The following ITPR3 variants were observed in gnomAD, a reference collection of about 807,000 sequenced individuals.
ITPR3 encodes the protein inositol 1,4,5-trisphosphate receptor type 3, also known as inositol 1,4,5-trisphosphate-gated calcium channel ITPR3.
ITPR3 carries 173 observed loss-of-function variants against 293.2 expected under a neutral mutation model. That is an observed-to-expected ratio of 0.59 (90% confidence interval 0.52 to 0.67). ITPR3 has a LOEUF of 0.67. Among genes scored for constraint, ITPR3 ranks in the 30% least tolerant of loss-of-function variants. The probability of loss-of-function intolerance (pLI) is 0.00; values close to 1 mark genes in which losing one functional copy is unlikely to be tolerated. For synonymous variants in ITPR3, 1,295 were observed against 1,444.4 expected (o/e 0.90, Z 2.35); for missense variants, 2,796 against 3,592.1 (o/e 0.78, Z 5.66).
chr6:33,671,175 T>C lies in ITPR3; in HGVS notation c.2597T>C (p.Leu866Pro). The stretch of plus-strand genomic sequence containing the variant: ...ACGCCCCCTTCGCAGGTGGTCAGCC[T>C]GGCGCACAATCTCATCTACTTCGGC... ...KNKLTFEVVS[L>P]AHNLIYFGFY... Residue 866 changes from leucine to proline, a missense_variant, in exon 21 of 58, where the codon CTG becomes CCG. Leu to Pro is a moderately conservative substitution (Grantham distance 98). This residue lies in a region of ITPR3 where 955 missense variants were observed against 1,180.8 expected (regional missense o/e 0.81). Coordinates refer to ENST00000605930, the MANE Select transcript of ITPR3 (RefSeq NM_002224.4). 1 of 1,613,578 alleles carries C rather than the reference T, an allele frequency of 6.2e-7. No homozygotes were observed. The highest frequency in any genetic ancestry group is 8.5e-7 in the Non-Finnish European group (1 of 1,179,886).
intron 13 of ITPR3, 128 bp from the exon 14 acceptor site, chr6:33,665,707 G>T: frequency 1.0e-6 from 1 of 992,818 alleles, no homozygotes; most frequent in East Asian, 2.6e-5. Flanking sequence ...GGCTGAGGAT[G>T]GGTTTTGTGC....
At position 33,687,581 on chromosome 6, in the gene ITPR3, A is replaced by G; in HGVS notation, c.6264+17A>G. 7.8e-7 allele frequency: 1 copy of G among 1,280,974 alleles called. No individual in the cohort carries two copies. Among genetic ancestry groups the G allele is most frequent in the Non-Finnish European group, 1.1e-6 (1 of 889,014 alleles). 79.4% of individuals were successfully genotyped at this position (1,280,974 alleles called of 1,614,324 possible). A position where few individuals can be genotyped will look rare whatever the true frequency, so the allele number is the denominator to read the frequency against. ...TCTTCCATGGTGGGTGCTGGCCCCGAGACTGGGGTGGGGGTGGGGCCTGGA... is the reference window on the plus strand; with the variant it reads ...TCTTCCATGGTGGGTGCTGGCCCCGGGACTGGGGTGGGGGTGGGGCCTGGA... On this transcript the variant is annotated intron_variant, in intron 46 of 57. Coordinates refer to ENST00000605930, the MANE Select transcript of ITPR3 (RefSeq NM_002224.4). The surrounding 1 kb of genome is among the most constrained non-coding windows in gnomAD (Gnocchi z 5.3).
intron 22 of ITPR3, 73 bp from the exon 23 acceptor site, chr6:33,673,518 A>G (rs1238912801): frequency 6.3e-7 from 1 of 1,576,234 alleles, no homozygotes; most frequent in Non-Finnish European, 8.6e-7. Context: ...TGCCCCCCAT[A>G]AAGTAGGAAG....
In ITPR3 at chr6:33,680,606, G is replaced by C. The variant is rs139191409; in HGVS notation, c.4402G>C (p.Val1468Leu). 2 of 1,614,104 alleles carry C rather than the reference G, an allele frequency of 1.2e-6. No homozygotes were observed. Among genetic ancestry groups the C allele is most frequent in the Admixed American group, 1.7e-5 (1 of 60,024 alleles). ...RVADPTLEKY[V>L]LSVVLDTINA... ...GGCTGACCCCACCTTGGAGAAGTAC[G>C]TGCTGAGCGTTGTGCTGGACACCAT... is the stretch of plus-strand genomic sequence containing the variant. The change falls in exon 33 of 58, where the codon GTG (valine) becomes CTG (leucine). Residue 1468 changes from valine (V) to leucine (L), a missense_variant. Val to Leu is a conservative substitution (Grantham distance 32, BLOSUM62 1). Around this residue, in one of 8 missense-constraint regions of ITPR3, gnomAD observed 344 missense variants for 460.3 expected, o/e 0.75. Transcript: ENST00000605930.
At position 33,635,834 on chromosome 6, in the gene ITPR3, G is replaced by A. The variant is rs1426329749; in HGVS notation, c.90-4650G>A. Among the ~76,000 whole-genome samples, 4 of 151,908 alleles carry A rather than the reference G, an allele frequency of 2.6e-5. No individual in the cohort carries two copies. In the East Asian group the frequency reaches 7.8e-4, roughly 29 times the overall value. ...AGGGGGCTCCAGGGCTGGAGCAGAG[G>A]GGTGAGGGGAAGGGGGATGGGGAGG... On this transcript the variant is annotated intron_variant, in intron 1 of 57. Coordinates refer to ENST00000605930, the MANE Select transcript of ITPR3 (RefSeq NM_002224.4).
At position 33,658,903 on chromosome 6, in the gene ITPR3, C is replaced by G. The variant is rs938286105; in HGVS notation, c.528+75C>G. ...TTCTGTAGGGTCTTCGGTGTGGGGA[C>G]TGGATAAGGGCATGCCCATTTCTTA... On this transcript the variant is annotated intron_variant, in intron 5 of 57. Coordinates refer to ENST00000605930, the MANE Select transcript of ITPR3 (RefSeq NM_002224.4). This position sits in a 1 kb window ranked among gnomAD's most constrained non-coding sequence, Gnocchi z 6.1. 1.2e-6 allele frequency: 2 copies of G among 1,601,328 alleles called. No individual in the cohort carries two copies. Among genetic ancestry groups the G allele is most frequent in the Admixed American group, 1.7e-5 (1 of 59,448 alleles).
chr6:33,694,730 G>A (rs548518704), intron 56 of ITPR3, 194 bp from the exon 57 acceptor site: 26 of 610,434 alleles, frequency 4.3e-5, no homozygotes, highest in Admixed American at 3.4e-4. Flanking sequence ...GCAGAGGGTT[G>A]ACAAGAGGGT....
intron 2 of ITPR3, among the ~76,000 whole-genome samples, chr6:33,641,615 A>T (rs1447470582): frequency 6.6e-6 from 1 of 151,904 alleles, no homozygotes; most frequent in African/African-American, 2.4e-5. Context: ...CCGCACCACC[A>T]TAAGGCCCCT....
At position 33,684,396 on chromosome 6, in the gene ITPR3, G is replaced by A. The variant is rs1309935667; in HGVS notation, c.4977G>A (p.Glu1659=). Residue 1659 remains glutamate, a synonymous_variant, in exon 37 of 58, where the codon GAG becomes GAA. Transcript: ENST00000605930. This position sits in a 1 kb window ranked among gnomAD's most constrained non-coding sequence, Gnocchi z 4.2. The part of the protein sequence containing the change: ...QHTKDLMESE[E]KLCIKVLRTL... ...CCAAGGACCTCATGGAGTCGGAGGA[G>A]AAGCTGTGCATCAAGGTGCTGCGGA... 3 of 1,613,982 alleles carry A rather than the reference G, an allele frequency of 1.9e-6. No individual in the cohort carries two copies. The highest frequency in any genetic ancestry group is 8.5e-7 in the Non-Finnish European group (1 of 1,180,004).
In ITPR3 at chr6:33,688,400, C is replaced by T. The variant is rs776278075; in HGVS notation, c.6537C>T (p.His2179=). The T allele has an allele frequency of 2.0e-6, 3 of 1,467,634 alleles. No homozygotes were observed. The highest frequency in any genetic ancestry group is 1.1e-5 in the South Asian group (1 of 89,038). The allele number at this position is 1,467,634 out of a possible 1,614,324, so 90.9% of individuals were successfully genotyped here. A position where few individuals can be genotyped will look rare whatever the true frequency, so the allele number is the denominator to read the frequency against. The part of the protein sequence containing the change: ...SDFFDQSSFL[H]NEMEWQRKLR... ...TCTTCGACCAGTCCTCCTTCCTGCA[C>T]AACGAGATGGAGTGGCAGCGCAAGC... Residue 2179 remains histidine (H), a synonymous_variant, in exon 48 of 58, where the codon CAC becomes CAT. Coordinates refer to ENST00000605930, the MANE Select transcript of ITPR3 (RefSeq NM_002224.4).
Position 33,695,857 on chromosome 6 carries a change from C to G in ITPR3, c.*77C>G. The G allele has an allele frequency of 6.8e-7, 1 of 1,474,624 alleles. No homozygotes were observed. The highest frequency in any genetic ancestry group is 1.1e-5 in the South Asian group (1 of 87,756). The allele number at this position is 1,474,624 out of a possible 1,614,324, so 91.3% of individuals were successfully genotyped here. The stretch of plus-strand genomic sequence containing the variant: ...CTGGGAAGAACACTGCCCCCTCCCT[C>G]GGGTTGGGTGGCCCAGCCAGCTGGC... On this transcript the variant is annotated 3_prime_UTR_variant, in exon 58 of 58. Transcript: ENST00000605930.
intron 26 of ITPR3, 34 bp from the exon 27 acceptor site, chr6:33,676,981 G>A: frequency 1.2e-6 from 2 of 1,613,934 alleles, no homozygotes; most frequent in Non-Finnish European, 1.7e-6. Flanking sequence ...TGAGGGCTGG[G>A]CCTGGCTGAT....
In ITPR3 at chr6:33,670,264, C is replaced by T; in HGVS notation, c.2190-61C>T. ...CTGAGTCCTCACCAAGTCTAGTGCC[C>T]AGTGCCAGCAGCCTCCCGGCTGCCA... is the stretch of plus-strand genomic sequence containing the variant. On this transcript the variant is annotated intron_variant, in intron 18 of 57. Transcript: ENST00000605930. The surrounding 1 kb of genome is among the most constrained non-coding windows in gnomAD (Gnocchi z 6.7). The T allele has an allele frequency of 6.3e-7, 1 of 1,593,414 alleles. No individual in the cohort carries two copies. The highest frequency in any genetic ancestry group is 8.6e-7 in the Non-Finnish European group (1 of 1,164,812).
In ITPR3 at chr6:33,684,271, G is replaced by A; in HGVS notation, c.4938-86G>A. 7 of 1,591,628 alleles carry A rather than the reference G, an allele frequency of 4.4e-6. No individual in the cohort carries two copies. The highest frequency in any genetic ancestry group is 5.2e-6 in the Non-Finnish European group (6 of 1,162,448). ...AGGCTCACTGGGTCAGAGGGCCTGGGGGTGTTCCTGCCTGGGATGGGGTGG... is the reference window on the plus strand; with the variant it reads ...AGGCTCACTGGGTCAGAGGGCCTGGAGGTGTTCCTGCCTGGGATGGGGTGG... On this transcript the variant is annotated intron_variant, in intron 36 of 57. Coordinates refer to ENST00000605930, the MANE Select transcript of ITPR3 (RefSeq NM_002224.4). This position sits in a 1 kb window ranked among gnomAD's most constrained non-coding sequence, Gnocchi z 4.2.
intron 2 of ITPR3, among the ~76,000 whole-genome samples, chr6:33,641,118 C>T (rs1048760739): frequency 2.6e-5 from 4 of 152,214 alleles, no homozygotes; most frequent in Non-Finnish European, 4.4e-5. Flanking sequence ...ACTTCGTTCA[C>T]GGGACCTTGT....
In ITPR3 at chr6:33,683,569, C is replaced by T. The variant is rs1437916702; in HGVS notation, c.4788+172C>T. Among the ~76,000 whole-genome samples, 1 of 152,158 alleles carries T rather than the reference C, an allele frequency of 6.6e-6. No homozygotes were observed. Among genetic ancestry groups the T allele is most frequent in the Non-Finnish European group, 1.5e-5 (1 of 68,010 alleles). ...CTGGGGCTGCTAAGGGCCGACCCAGCAGCAAGGGACTGGGGAACCTCCTTC... is the reference window on the plus strand; with the variant it reads ...CTGGGGCTGCTAAGGGCCGACCCAGTAGCAAGGGACTGGGGAACCTCCTTC... On this transcript the variant is annotated intron_variant, in intron 35 of 57. Coordinates refer to ENST00000605930, the MANE Select transcript of ITPR3 (RefSeq NM_002224.4). This position sits in a 1 kb window ranked among gnomAD's most constrained non-coding sequence, Gnocchi z 4.5.
intron 56 of ITPR3, 180 bp from the exon 57 acceptor site, chr6:33,694,744 C>G (rs1765491959): frequency 1.4e-6 from 1 of 716,082 alleles, no homozygotes; most frequent in African/African-American, 1.8e-5. Context: ...AGAGGGTTGA[C>G]TGCCAGCTCA....
At chr6:33,674,163 C>CG in intron 23 of ITPR3, 45 bp from the exon 24 acceptor site, 1 of 1,609,790 alleles carries the variant, frequency 6.2e-7, no homozygotes, top group Non-Finnish European at 8.5e-7. Flanking sequence ...CCCTCTTTCC[C>CG]GGGCTGGGCC....
intron 1 of ITPR3, among the ~76,000 whole-genome samples, chr6:33,627,507 T>C (rs904893279): frequency 2.0e-5 from 3 of 152,248 alleles, no homozygotes; most frequent in African/African-American, 7.2e-5. Flanking sequence ...TAAGCAACTC[T>C]AGTATTCAAC....
Sources: gnomAD v4.1 joint callset for allele counts (sites outside exome capture counted in the v4.1 genomes callset) on GRCh38, gnomAD v4.1.1 for gene constraint, gnomAD v4.1.1 regional missense constraint, Gnocchi (gnomAD v3.1) non-coding constraint, MANE v1.5 for transcripts, NCBI Gene and HGNC (gene_info 2026-07-23, HGNC 2026-07-21) for gene names.